The following WWOX variants were observed in gnomAD, a reference collection of about 807,000 sequenced individuals.
WWOX encodes the protein WW domain-containing oxidoreductase.
A neutral mutation model predicts 46.2 loss-of-function variants in WWOX; 69 were observed. The observed-to-expected ratio is 1.49, with a 90% CI of 1.23 to 1.82. WWOX has a LOEUF of 1.82. WWOX is among the 40% of genes most tolerant of loss of function. The pLI, the probability that WWOX is intolerant of heterozygous loss-of-function variation, is 0.00. For synonymous variants in WWOX, 359 were observed against 202.6 expected (o/e 1.77, Z -6.56); for missense variants, 919 against 542.6 (o/e 1.69, Z -6.89).
At chr16:78,419,625 C>CAAAAAAAAAAAAAAAAAAA (rs60762734) in intron 6 of WWOX, among the ~76,000 whole-genome samples, 13 of 44,670 alleles carry the variant, frequency 2.9e-4, no homozygotes, top group African/African-American at 4.4e-4. Flanking sequence ...CAAAAAATAG[C>CAAAAAAAAAAAAAAAAAAA]AAAAAAAAAA....
At chr16:79,037,731 G>C (rs1219490474) in intron 8 of WWOX, among the ~76,000 whole-genome samples, 1 of 152,082 alleles carries the variant, frequency 6.6e-6, no homozygotes, top group Admixed American at 6.6e-5. Flanking sequence ...GGAGAGGTTG[G>C]TTTTGTTTGC....
rs573679992 is a variant in WWOX, at chr16:79,047,022, G to C, written c.1057-164586G>C. ...CAATAAAGCAACTGACCTTTTATCA[G>C]AAATTTGCAAAGCCATTTAATTTAC... On this transcript the variant is annotated intron_variant, in intron 8 of 8. Transcript: ENST00000566780. 7.9e-5 allele frequency among the ~76,000 whole-genome samples: 12 copies of C among 152,272 alleles called. No individual in the cohort carries two copies. In the South Asian group the frequency reaches 2.5e-3, roughly 32 times the overall value.
At chr16:79,210,867 C>T (rs2051710726) in intron 8 of WWOX, among the ~76,000 whole-genome samples, 1 of 152,184 alleles carries the variant, frequency 6.6e-6, no homozygotes, top group Non-Finnish European at 1.5e-5. Context: ...TGATCAGCTG[C>T]ACTCTTTGCA....
chr16:78,370,347 G>C (rs772335190), intron 5 of WWOX, among the ~76,000 whole-genome samples: 2 of 152,096 alleles, frequency 1.3e-5, no homozygotes, highest in Admixed American at 6.5e-5. Context: ...TCTTAGAGCA[G>C]AGTTCAGTAC....
chr16:78,643,708 T>C (rs981323042), intron 8 of WWOX, among the ~76,000 whole-genome samples: 4 of 152,158 alleles, frequency 2.6e-5, no homozygotes, highest in Admixed American at 6.5e-5. Context: ...ACGGGTTCCT[T>C]ACCTTCTAGG....
rs1036966185 is a variant in WWOX at position 78,966,919 on chromosome 16, G to T, written c.1057-244689G>T. ...GATTGAATGAGTTTGTAGATAAAAA[G>T]CGTCTGCGTTGTGTCTGGTACATGG... On this transcript the variant is annotated intron_variant, in intron 8 of 8. Transcript: ENST00000566780. Among the ~76,000 whole-genome samples, 7 of 152,262 alleles carry T rather than the reference G, an allele frequency of 4.6e-5. No individual in the cohort carries two copies. In the South Asian group the frequency reaches 1.5e-3, roughly 32 times the overall value.
At chr16:79,080,689 G>T (rs923781808) in intron 8 of WWOX, among the ~76,000 whole-genome samples, 1 of 152,138 alleles carries the variant, frequency 6.6e-6, no homozygotes, top group Non-Finnish European at 1.5e-5. Context: ...TGGCTTAGCC[G>T]GGTACAGTGG....
At chr16:79,208,321 C>T (rs1375350491) in intron 8 of WWOX, among the ~76,000 whole-genome samples, 1 of 152,060 alleles carries the variant, frequency 6.6e-6, no homozygotes, top group Non-Finnish European at 1.5e-5. Flanking sequence ...GACACCTCCC[C>T]CGTTTCCCAT....
chr16:78,713,685 A>G (rs2048497230), intron 8 of WWOX, among the ~76,000 whole-genome samples: 1 of 152,194 alleles, frequency 6.6e-6, no homozygotes, highest in Admixed American at 6.5e-5. Context: ...CTGCAAGCCA[A>G]GGCAAGGGGC....
At chr16:78,951,661 C>T (rs1264635441) in intron 8 of WWOX, among the ~76,000 whole-genome samples, 1 of 152,218 alleles carries the variant, frequency 6.6e-6, no homozygotes, top group Admixed American at 6.5e-5. Flanking sequence ...GTTTTAGGAT[C>T]ATTGCCAGTG....
intron 5 of WWOX, among the ~76,000 whole-genome samples, chr16:78,351,356 C>A (rs370870828): frequency 6.6e-6 from 1 of 152,184 alleles, no homozygotes; most frequent in Non-Finnish European, 1.5e-5. Flanking sequence ...TACTGATTGT[C>A]CAGCAGTTGT....
rs575637961 is a variant in WWOX at position 79,126,687 on chromosome 16, G to C, written c.1057-84921G>C. Among the ~76,000 whole-genome samples the C allele has an allele frequency of 3.9e-5, 6 of 152,302 alleles. No homozygotes were observed. The East Asian group carries it at 1.2e-3, about 29-fold the overall frequency. On this transcript the variant is annotated intron_variant, in intron 8 of 8. Transcript: ENST00000566780. ...GTAAGAACAGACTAATACAGCAAGG[G>C]AGCAGTGATGGAGCACAGGCTGGAA... is the stretch of plus-strand genomic sequence containing the variant.
chr16:78,554,870 G>C (rs368528667), intron 8 of WWOX, among the ~76,000 whole-genome samples: 13 of 152,270 alleles, frequency 8.5e-5, no homozygotes, highest in African/African-American at 2.4e-4. Context: ...GGTGGGACCT[G>C]GTGCTGGAGA....
rs2084756682 is a variant in WWOX at position 78,490,551 on chromosome 16, G to A, written c.1056+57799G>A. On this transcript the variant is annotated intron_variant, in intron 8 of 8. Transcript: ENST00000566780. ...ATGCTGGGCTAGTTTCAGACTTCTGGCTTGTTGTGGGACGGAGGAGAAAGA... is the reference window on the plus strand; with the variant it reads ...ATGCTGGGCTAGTTTCAGACTTCTGACTTGTTGTGGGACGGAGGAGAAAGA... Among the ~76,000 whole-genome samples, 4 of 152,250 alleles carry A rather than the reference G, an allele frequency of 2.6e-5. No individual in the cohort carries two copies. In the South Asian group the frequency reaches 8.3e-4, roughly 32 times the overall value.
At chr16:78,575,428 C>T (rs924499805) in intron 8 of WWOX, among the ~76,000 whole-genome samples, 1 of 151,508 alleles carries the variant, frequency 6.6e-6, no homozygotes, top group African/African-American at 2.4e-5. Flanking sequence ...TTACACCTAC[C>T]CATTAGTCTA....
rs114061961 is a variant in WWOX at position 78,848,568 on chromosome 16, A to T, written c.1057-363040A>T. ...GTGGTGTTGCCTAAGGGTACGGGGA[A>T]CCTGGCCTGGTGTTGGGAGGAAACA... On this transcript the variant is annotated intron_variant, in intron 8 of 8. Transcript: ENST00000566780. Among the ~76,000 whole-genome samples, 1,119 of 152,264 alleles carry T rather than the reference A, an allele frequency of 7.3e-3. 9 individuals carry two copies. The highest frequency in any genetic ancestry group is 0.022 in the East Asian group (115 of 5,170).
intron 8 of WWOX, among the ~76,000 whole-genome samples, chr16:78,544,383 C>G (rs1009619101): frequency 5.3e-5 from 8 of 151,924 alleles, no homozygotes; most frequent in Admixed American, 6.6e-5. Context: ...TTAATCTTCC[C>G]TACAACCTTA....
At chr16:78,568,671 C>G (rs150378271) in intron 8 of WWOX, among the ~76,000 whole-genome samples, 2,722 of 151,986 alleles carry the variant, frequency 0.018, 47 homozygotes, top group Admixed American at 0.043. Context: ...GGTGGGGTTT[C>G]GCCATGTTGG....
chr16:79,137,446 A>C (rs2050004165), intron 8 of WWOX, among the ~76,000 whole-genome samples: 1 of 152,160 alleles, frequency 6.6e-6, no homozygotes, highest in African/African-American at 2.4e-5. Context: ...TTCACTTATG[A>C]ATGTTCTAAA....
Sources: allele counts gnomAD v4.1 joint callset (sites outside exome capture counted in the v4.1 genomes callset), GRCh38; gene constraint gnomAD v4.1.1; transcripts MANE v1.5; gene names NCBI Gene and HGNC (gene_info 2026-07-23, HGNC 2026-07-21).